Variants in NCK1 observed in about 807,000 individuals in gnomAD.
The protein encoded by NCK1 is NCK adaptor protein 1.
NCK1 carries 19 observed loss-of-function variants against 36.6 expected under a neutral mutation model. That is an observed-to-expected ratio of 0.52 (90% CI 0.36 to 0.76). The LOEUF (loss-of-function observed/expected upper bound fraction) is 0.76. Ranked by LOEUF, NCK1 falls within the 30% of genes least tolerant of loss-of-function variation. The pLI is 0.00. For missense variants in NCK1, 358 were observed against 445.6 expected, an observed-to-expected ratio of 0.80 and a Z score of 1.77; for synonymous variants, 165 against 156.0, an observed-to-expected ratio of 1.06 and a Z score of -0.43.
rs1576945533 is a variant in NCK1, at chr3:136,877,374, T to C, written c.-19+15021T>C. Among the ~76,000 whole-genome samples, 3 of 152,180 alleles carry C rather than the reference T, an allele frequency of 2.0e-5. No homozygotes were observed. In the South Asian group the frequency reaches 6.2e-4, roughly 32 times the overall value. On this transcript the variant is annotated intron_variant, in intron 1 of 3. Coordinates refer to ENST00000481752, the MANE Select transcript of NCK1 (RefSeq NM_001291999.2). ...GTCAGCTGTTTGAAGATAAGCAATA[T>C]ATTTCTGAGAAATTCGGGGATTAGA...
intron 1 of NCK1, among the ~76,000 whole-genome samples, chr3:136,905,945 T>C (rs1939672807): frequency 1.3e-5 from 2 of 151,052 alleles, no homozygotes; most frequent in East Asian, 4.0e-4. Flanking sequence ...GATTGGGATG[T>C]ATTGCCCGTG....
intron 1 of NCK1, among the ~76,000 whole-genome samples, chr3:136,866,175 AT>A (rs1448754190): frequency 1.3e-5 from 2 of 151,758 alleles, no homozygotes; most frequent in Non-Finnish European, 2.9e-5. Context: ...GGCCAGCACT[AT>A]TTCTTTCTTT....
At chr3:136,897,458 G>A (rs981420640) in intron 1 of NCK1, among the ~76,000 whole-genome samples, 1 of 152,000 alleles carries the variant, frequency 6.6e-6, no homozygotes, top group Non-Finnish European at 1.5e-5. Flanking sequence ...GTTTTTATTT[G>A]CATTTCCTTA....
chr3:136,902,309 T>C (rs192104485), intron 1 of NCK1, among the ~76,000 whole-genome samples: 3 of 152,128 alleles, frequency 2.0e-5, no homozygotes, highest in Non-Finnish European at 4.4e-5. Context: ...GCAGTTCTTG[T>C]GCCTCAGCCT....
At chr3:136,901,579 C>T (rs1939542671) in intron 1 of NCK1, among the ~76,000 whole-genome samples, 1 of 151,976 alleles carries the variant, frequency 6.6e-6, no homozygotes, top group Non-Finnish European at 1.5e-5. Flanking sequence ...GTTCAGGTTT[C>T]GTATTTCTTC....
intron 1 of NCK1, among the ~76,000 whole-genome samples, chr3:136,891,962 C>T (rs1939258051): frequency 6.6e-6 from 1 of 152,168 alleles, no homozygotes; most frequent in Admixed American, 6.5e-5. Flanking sequence ...AATCATGGCT[C>T]ATTGCAATCT....
At chr3:136,890,397 C>A (rs189331641) in intron 1 of NCK1, among the ~76,000 whole-genome samples, 4 of 152,206 alleles carry the variant, frequency 2.6e-5, no homozygotes, top group African/African-American at 4.8e-5. Flanking sequence ...ACACCTCCCC[C>A]CAAGCTGAGG....
intron 1 of NCK1, among the ~76,000 whole-genome samples, chr3:136,882,535 T>C (rs1938969886): frequency 6.6e-6 from 1 of 150,410 alleles, no homozygotes; most frequent in Non-Finnish European, 1.5e-5. Context: ...TTTACATTAC[T>C]TTCCCACATC....
chr3:136,897,378 T>G (rs1287579716), intron 1 of NCK1, among the ~76,000 whole-genome samples: 2 of 152,140 alleles, frequency 1.3e-5, no homozygotes, highest in Non-Finnish European at 2.9e-5. Context: ...AGACATGAGC[T>G]ACCACACCTG....
intron 1 of NCK1, among the ~76,000 whole-genome samples, chr3:136,870,792 A>G (rs1484254215): frequency 6.0e-5 from 9 of 151,072 alleles, no homozygotes; most frequent in Admixed American, 5.9e-4. Flanking sequence ...TCAGCCTTGA[A>G]TAGCTTAGCC....
chr3:136,903,311 C>T (rs1939595922), intron 1 of NCK1, among the ~76,000 whole-genome samples: 1 of 152,106 alleles, frequency 6.6e-6, no homozygotes. Context: ...ATATCTTTTT[C>T]CATCCCTTAA....
At chr3:136,942,505 A>G (rs561371440) in intron 2 of NCK1, among the ~76,000 whole-genome samples, 2,641 of 152,334 alleles carry the variant, frequency 0.017, 39 homozygotes, top group Non-Finnish European at 0.028. Flanking sequence ...CAAACAAAAG[A>G]AAACCTCTCC....
intron 1 of NCK1, among the ~76,000 whole-genome samples, chr3:136,911,249 G>A (rs979953468): frequency 1.3e-5 from 2 of 152,082 alleles, no homozygotes; most frequent in African/African-American, 4.8e-5. Context: ...ATTGATTTTA[G>A]TTCCTTTGGA....
intron 1 of NCK1, among the ~76,000 whole-genome samples, chr3:136,871,158 G>A (rs544300923): frequency 2.1e-4 from 32 of 152,034 alleles, no homozygotes; most frequent in African/African-American, 7.2e-4. Flanking sequence ...CACTTTGGGA[G>A]GCTGAGGTGG....
At chr3:136,877,955 A>G (rs566462920) in intron 1 of NCK1, among the ~76,000 whole-genome samples, 44 of 152,330 alleles carry the variant, frequency 2.9e-4, no homozygotes, top group African/African-American at 9.6e-4. Flanking sequence ...CATGTAATGT[A>G]TATCCACACA....
chr3:136,908,169 C>G (rs1187258428), intron 1 of NCK1, among the ~76,000 whole-genome samples: 1 of 152,116 alleles, frequency 6.6e-6, no homozygotes, highest in Non-Finnish European at 1.5e-5. Context: ...GCATGAGATT[C>G]TTTATAATAG....
chr3:136,889,998 C>T (rs1210506116), intron 1 of NCK1, among the ~76,000 whole-genome samples: 1 of 152,210 alleles, frequency 6.6e-6, no homozygotes, highest in East Asian at 1.9e-4. Context: ...CGCTGTGTGC[C>T]CGCACTCCTG....
intron 1 of NCK1, among the ~76,000 whole-genome samples, chr3:136,912,239 T>G (rs1576972214): frequency 6.7e-6 from 1 of 148,328 alleles, no homozygotes; most frequent in African/African-American, 2.5e-5. Flanking sequence ...CTTGGCTCAC[T>G]GCAACCTCTG....
chr3:136,899,602 C>T, intron 1 of NCK1: 1 of 644,750 alleles, frequency 1.6e-6, no homozygotes, highest in East Asian at 3.1e-5. Context: ...TGTTGTACCG[C>T]AGCTTTAGAT....
Sources: gnomAD v4.1 joint callset for allele counts (sites outside exome capture counted in the v4.1 genomes callset) on GRCh38, gnomAD v4.1.1 for gene constraint, MANE v1.5 for transcripts, NCBI Gene and HGNC (gene_info 2026-07-23, HGNC 2026-07-21) for gene names.